Variants in SLC49A4 observed in about 807,000 individuals in gnomAD.
SLC49A4 encodes the protein solute carrier family 49 member 4.
Under a neutral mutation model 50.6 loss-of-function variants are expected in SLC49A4, and 36 were observed. The observed-to-expected ratio is 0.71, with a 90% CI of 0.55 to 0.94. The LOEUF is 0.94. Among genes scored for constraint, SLC49A4 ranks in the 40% least tolerant of loss-of-function variants. The pLI is 0.00. For missense variants in SLC49A4, 503 were observed against 605.7 expected, an observed-to-expected ratio of 0.83 and a Z score of 1.78; for synonymous variants, 248 against 241.2, an observed-to-expected ratio of 1.03 and a Z score of -0.26.
chr3:122,861,047 C>T (rs551531694), intron 7 of SLC49A4, among the ~76,000 whole-genome samples: 1 of 152,166 alleles, frequency 6.6e-6, no homozygotes, highest in Non-Finnish European at 1.5e-5. Flanking sequence ...TTTCTTCCAT[C>T]GTTACATCTG....
intron 2 of SLC49A4, among the ~76,000 whole-genome samples, chr3:122,807,152 G>T (rs948468917): frequency 6.6e-6 from 1 of 151,812 alleles, no homozygotes; most frequent in African/African-American, 2.4e-5. Flanking sequence ...TCTTCATATT[G>T]TCCAGGAACA....
chr3:122,838,714 A>C (rs575396167), intron 4 of SLC49A4, among the ~76,000 whole-genome samples: 15 of 151,630 alleles, frequency 9.9e-5, no homozygotes, highest in Non-Finnish European at 1.9e-4. Context: ...AATAATAATA[A>C]AATAAAATAA....
At chr3:122,807,869 T>A (rs1358985008) in intron 2 of SLC49A4, among the ~76,000 whole-genome samples, 1 of 152,226 alleles carries the variant, frequency 6.6e-6, no homozygotes, top group Admixed American at 6.5e-5. Context: ...CTTTACTCAC[T>A]GGATAGTGGA....
chr3:122,866,905 T>G (rs527897083), intron 7 of SLC49A4, among the ~76,000 whole-genome samples: 6 of 152,328 alleles, frequency 3.9e-5, no homozygotes, highest in Non-Finnish European at 5.9e-5. Flanking sequence ...AGACATGCTT[T>G]TTTTTTTGGA....
At chr3:122,838,746 A>G (rs1200506110) in intron 4 of SLC49A4, among the ~76,000 whole-genome samples, 1 of 152,116 alleles carries the variant, frequency 6.6e-6, no homozygotes, top group Non-Finnish European at 1.5e-5. Flanking sequence ...AGATGACACA[A>G]AAAAATGGAA....
chr3:122,873,543 C>T (rs1289539490), intron 8 of SLC49A4, among the ~76,000 whole-genome samples: 1 of 152,186 alleles, frequency 6.6e-6, no homozygotes, highest in Admixed American at 6.5e-5. Context: ...TCTGGCATAG[C>T]ACTTTCACCC....
At chr3:122,805,159 A>C (rs1936197193) in intron 1 of SLC49A4, among the ~76,000 whole-genome samples, 2 of 151,978 alleles carry the variant, frequency 1.3e-5, no homozygotes, top group Non-Finnish European at 2.9e-5. Context: ...CATTAATTGC[A>C]CTCTGTTTCC....
chr3:122,873,629 A>C (rs1186851115), intron 8 of SLC49A4, among the ~76,000 whole-genome samples: 1 of 152,226 alleles, frequency 6.6e-6, no homozygotes, highest in East Asian at 1.9e-4. Flanking sequence ...TCTGTCAATC[A>C]GTAATGCAGG....
intron 5 of SLC49A4, among the ~76,000 whole-genome samples, chr3:122,855,885 CTCTCTTGCTCAGCCCCACATT>C (rs1347295914): frequency 6.6e-6 from 1 of 152,194 alleles, no homozygotes; most frequent in East Asian, 1.9e-4. Flanking sequence ...TCTCTGTCTA[CTCTCTTGCTCAGCCCCACATT>C]TCTCCCTGCC....
chr3:122,796,876 C>A (rs542952521), intron 1 of SLC49A4, among the ~76,000 whole-genome samples: 1 of 152,084 alleles, frequency 6.6e-6, no homozygotes, highest in East Asian at 1.9e-4. Flanking sequence ...GGGCAAGACT[C>A]GTCTCAGAAA....
intron 8 of SLC49A4, among the ~76,000 whole-genome samples, chr3:122,875,676 A>G (rs1300989747): frequency 3.3e-5 from 5 of 152,188 alleles, no homozygotes; most frequent in South Asian, 2.1e-4. Context: ...TTTAATCATC[A>G]TAAAGATCTG....
In SLC49A4 at chr3:122,869,706, T is replaced by C. The variant is rs557226965; in HGVS notation, c.1139-2709T>C. On this transcript the variant is annotated intron_variant, in intron 7 of 8. Coordinates refer to ENST00000261038, the MANE Select transcript of SLC49A4 (RefSeq NM_032839.3). ...ATGTTTAACCACAATAAAAATTTTA[T>C]CTTTCCAACGACAGTTAATTATCCC... Among the ~76,000 whole-genome samples, 3 of 152,362 alleles carry C rather than the reference T, an allele frequency of 2.0e-5. No homozygotes were observed. The South Asian group carries it at 6.2e-4, about 32-fold the overall frequency.
At chr3:122,865,615 CTG>C (rs1351327639) in intron 7 of SLC49A4, among the ~76,000 whole-genome samples, 1 of 152,198 alleles carries the variant, frequency 6.6e-6, no homozygotes, top group Non-Finnish European at 1.5e-5. Flanking sequence ...TTAGCAAACA[CTG>C]TGAATGTTTC....
At chr3:122,865,857 T>G (rs1028892263) in intron 7 of SLC49A4, among the ~76,000 whole-genome samples, 1 of 152,216 alleles carries the variant, frequency 6.6e-6, no homozygotes, top group East Asian at 1.9e-4. Context: ...TTCAGGGACA[T>G]TTCTTGATTC....
chr3:122,838,878 GA>G (rs931687459), intron 4 of SLC49A4, among the ~76,000 whole-genome samples: 6 of 150,780 alleles, frequency 4.0e-5, no homozygotes, highest in African/African-American at 9.7e-5. Flanking sequence ...CATAGAATTA[GA>G]AAAAAAAATC....
At chr3:122,853,296 G>A (rs1402441240) in intron 5 of SLC49A4, among the ~76,000 whole-genome samples, 1 of 152,148 alleles carries the variant, frequency 6.6e-6, no homozygotes, top group Non-Finnish European at 1.5e-5. Flanking sequence ...TCACTTTAGG[G>A]ATTAAGTTCC....
At chr3:122,848,188 G>A (rs887488648) in intron 5 of SLC49A4, among the ~76,000 whole-genome samples, 1 of 152,032 alleles carries the variant, frequency 6.6e-6, no homozygotes, top group Admixed American at 6.6e-5. Context: ...TTTATTATAG[G>A]CGTTAAGTTT....
chr3:122,850,189 C>A (rs1193780265), intron 5 of SLC49A4, among the ~76,000 whole-genome samples: 2 of 151,948 alleles, frequency 1.3e-5, no homozygotes, highest in Admixed American at 1.3e-4. Context: ...TCAAATAAAT[C>A]TCTAGCCAAC....
chr3:122,819,054 G>A (rs1226983138), intron 2 of SLC49A4, among the ~76,000 whole-genome samples: 2 of 151,926 alleles, frequency 1.3e-5, no homozygotes, highest in African/African-American at 2.4e-5. Flanking sequence ...AGGAGGACTA[G>A]CCTGGGTAAC....
Sources: gnomAD v4.1 joint callset for allele counts (sites outside exome capture counted in the v4.1 genomes callset) on GRCh38, gnomAD v4.1.1 for gene constraint, MANE v1.5 for transcripts, NCBI Gene and HGNC (gene_info 2026-07-23, HGNC 2026-07-21) for gene names.